Variants in DSCAM observed in about 807,000 individuals in gnomAD.
DSCAM encodes DS cell adhesion molecule, also known as cell adhesion molecule DSCAM.
DSCAM carries 47 observed loss-of-function variants against 217.7 expected under a neutral mutation model. That is an observed-to-expected ratio of 0.22 (90% confidence interval 0.17 to 0.28). DSCAM has a LOEUF of 0.28. Among genes scored for constraint, DSCAM ranks in the 10% least tolerant of loss-of-function variants. DSCAM has a pLI of 1.00. For missense variants in DSCAM, 2,080 were observed against 2,618.3 expected, an observed-to-expected ratio of 0.79 and a Z score of 4.49; for synonymous variants, 1,056 against 1,015.3, an observed-to-expected ratio of 1.04 and a Z score of -0.76.
At chr21:40,118,031 G>A (rs927695958) in intron 20 of DSCAM, among the ~76,000 whole-genome samples, 8 of 152,106 alleles carry the variant, frequency 5.3e-5, no homozygotes, top group Non-Finnish European at 8.8e-5. Flanking sequence ...GATATTGGAT[G>A]GAAGAAGGTT....
At chr21:40,397,964 T>G (rs558628139) in intron 3 of DSCAM, among the ~76,000 whole-genome samples, 13 of 152,282 alleles carry the variant, frequency 8.5e-5, no homozygotes, top group Admixed American at 6.5e-4. Flanking sequence ...CCACCACTAC[T>G]GCCACTAGTT....
At chr21:40,192,623 C>T (rs540792936) in intron 11 of DSCAM, among the ~76,000 whole-genome samples, 57 of 152,190 alleles carry the variant, frequency 3.7e-4, no homozygotes, top group African/African-American at 1.3e-3. Flanking sequence ...ACACAATACC[C>T]GTATTACCTT....
intron 3 of DSCAM, among the ~76,000 whole-genome samples, chr21:40,685,629 A>G (rs2090464581): frequency 6.6e-6 from 1 of 151,974 alleles, no homozygotes; most frequent in African/African-American, 2.4e-5. Context: ...TCTGAATGTC[A>G]CCTCATGTGC....
Position 40,792,413 on chromosome 21 carries a change from C to T in DSCAM, c.43+54206G>A, listed in dbSNP as rs573899686. Among the ~76,000 whole-genome samples, 36 of 152,090 alleles carry T rather than the reference C, an allele frequency of 2.4e-4. 1 individual carries two copies. Among genetic ancestry groups the T allele is most frequent in the Admixed American group, 5.9e-4 (9 of 15,278 alleles). On this transcript the variant is annotated intron_variant, in intron 1 of 32. Coordinates refer to ENST00000400454, the MANE Select transcript of DSCAM (RefSeq NM_001389.5). ...CCTCGGAATTACAGGCATGAGCCAC[C>T]GTGCCCGGCCATCTCCTCTTCTTAA...
intron 1 of DSCAM, among the ~76,000 whole-genome samples, chr21:40,776,071 T>A (rs151274472): frequency 6.6e-6 from 1 of 152,304 alleles, no homozygotes; most frequent in African/African-American, 2.4e-5. Context: ...TTAGTATACC[T>A]GAGTGTTTAT....
intron 14 of DSCAM, among the ~76,000 whole-genome samples, chr21:40,185,928 G>T (rs570984446): frequency 1.3e-5 from 2 of 152,096 alleles, no homozygotes; most frequent in African/African-American, 4.8e-5. Flanking sequence ...AATCAACCCC[G>T]GAAGGCCCTT....
At chr21:40,113,164 T>G (rs914305526) in intron 20 of DSCAM, among the ~76,000 whole-genome samples, 2 of 152,192 alleles carry the variant, frequency 1.3e-5, no homozygotes, top group African/African-American at 4.8e-5. Context: ...GCAAAAATCC[T>G]CAGTAAAATA....
intron 3 of DSCAM, among the ~76,000 whole-genome samples, chr21:40,635,892 T>G (rs2089752131): frequency 6.6e-6 from 1 of 151,992 alleles, no homozygotes; most frequent in Admixed American, 6.6e-5. Flanking sequence ...TAGAGAAGAG[T>G]AGGAACAAAG....
At chr21:40,099,431 C>T (rs1476982740) in intron 20 of DSCAM, among the ~76,000 whole-genome samples, 2 of 152,138 alleles carry the variant, frequency 1.3e-5, no homozygotes, top group African/African-American at 2.4e-5. Context: ...GTTAGTGGCT[C>T]CTATTGGTTA....
intron 9 of DSCAM, 151 bp from the exon 10 acceptor site, chr21:40,296,325 G>A (rs2073953679): frequency 1.0e-6 from 1 of 989,442 alleles, no homozygotes; most frequent in African/African-American, 1.7e-5. Flanking sequence ...GGCAGTTTGG[G>A]ACAAATTAAG....
intron 27 of DSCAM, 72 bp from the exon 28 acceptor site, chr21:40,062,971 T>C (rs1601288674): frequency 2.2e-6 from 3 of 1,373,760 alleles, no homozygotes; most frequent in Non-Finnish European, 3.0e-6. Context: ...TTATGACAAA[T>C]ACTCTACAGT....
At chr21:40,201,441 TCTTA>T (rs1457960388) in intron 11 of DSCAM, among the ~76,000 whole-genome samples, 1 of 151,996 alleles carries the variant, frequency 6.6e-6, no homozygotes, top group Non-Finnish European at 1.5e-5. Flanking sequence ...TAAGAAAGCT[TCTTA>T]TTTATTTATT....
intron 32 of DSCAM, among the ~76,000 whole-genome samples, chr21:40,029,109 C>A (rs2088465585): frequency 6.6e-6 from 1 of 150,626 alleles, no homozygotes; most frequent in Non-Finnish European, 1.5e-5. Context: ...GAAATAGCTG[C>A]AAAGTTTAAC....
At chr21:40,375,525 T>G (rs1042437257) in intron 3 of DSCAM, among the ~76,000 whole-genome samples, 3 of 152,192 alleles carry the variant, frequency 2.0e-5, no homozygotes, top group African/African-American at 7.2e-5. Flanking sequence ...TGGCCTCAGT[T>G]TTTAAGTCAA....
At chr21:40,764,604 A>G (rs1019248013) in intron 1 of DSCAM, among the ~76,000 whole-genome samples, 1 of 152,234 alleles carries the variant, frequency 6.6e-6, no homozygotes, top group Non-Finnish European at 1.5e-5. Context: ...TACTGGGTAT[A>G]TACCCAAAGG....
In DSCAM at chr21:40,078,985, A is replaced by G. The variant is rs751575761; in HGVS notation, c.4421-8T>C. The G allele has an allele frequency of 6.8e-6, 11 of 1,612,362 alleles. No homozygotes were observed. The highest frequency in any genetic ancestry group is 9.3e-6 in the Non-Finnish European group (11 of 1,178,948). On this transcript the variant is annotated splice_region_variant and splice_polypyrimidine_tract_variant and intron_variant, in intron 25 of 32. Coordinates refer to ENST00000400454, the MANE Select transcript of DSCAM (RefSeq NM_001389.5). ...CCTTTGAGAACTGGGGCTCTGGGGG[A>G]GAAGGCACATGGAGGTCAGCTCACA... is the stretch of plus-strand genomic sequence containing the variant.
chr21:40,258,278 T>C (rs1356812104), intron 11 of DSCAM, among the ~76,000 whole-genome samples: 1 of 152,236 alleles, frequency 6.6e-6, no homozygotes, highest in East Asian at 1.9e-4. Context: ...CTTGCATTTC[T>C]TCCTGCTGCA....
At chr21:40,079,035 T>G (rs549211317) in intron 25 of DSCAM, 58 bp from the exon 26 acceptor site, 1 of 1,567,870 alleles carries the variant, frequency 6.4e-7, no homozygotes, top group Admixed American at 1.8e-5. Context: ...GCCATCAGCA[T>G]CTTCACGCAT....
chr21:40,030,777 T>C (rs2088506939), intron 32 of DSCAM, among the ~76,000 whole-genome samples: 1 of 152,130 alleles, frequency 6.6e-6, no homozygotes, highest in African/African-American at 2.4e-5. Flanking sequence ...TTAAGGGCTC[T>C]TATAGAATTT....
Sources: allele counts gnomAD v4.1 joint callset (sites outside exome capture counted in the v4.1 genomes callset), GRCh38; gene constraint gnomAD v4.1.1; transcripts MANE v1.5; gene names NCBI Gene and HGNC (gene_info 2026-07-23, HGNC 2026-07-21).